Variants in PATJ observed in about 807,000 individuals in gnomAD.
PATJ encodes the protein PATJ crumbs cell polarity complex component, also known as inaD-like protein.
Under a neutral mutation model 224.9 loss-of-function variants are expected in PATJ, and 190 were observed. That is an observed-to-expected ratio of 0.84 (90% confidence interval 0.75 to 0.95). The LOEUF (loss-of-function observed/expected upper bound fraction) is 0.95, where lower values mean the gene tolerates loss of function less well. Among genes scored for constraint, PATJ ranks in the 40% least tolerant of loss-of-function variants. The pLI is 0.00. For synonymous variants in PATJ, 769 were observed against 820.3 expected (o/e 0.94, Z 1.07); for missense variants, 2,121 against 2,270.3 (o/e 0.93, Z 1.34).
intron 13 of PATJ, among the ~76,000 whole-genome samples, chr1:61,806,290 A>G (rs1286831): frequency 0.8 from 121,528 of 152,112 alleles, 48,650 homozygotes; most frequent in East Asian, 0.94. Flanking sequence ...AGATTACCTA[A>G]CCACCATCTG....
At chr1:62,158,707 C>CGA (rs1669523529) in intron 43 of PATJ, among the ~76,000 whole-genome samples, 1 of 107,168 alleles carries the variant, frequency 9.3e-6, no homozygotes. Flanking sequence ...GGCGACAGAG[C>CGA]GAGACTCTGT....
At chr1:62,130,137 C>T (rs1425731809) in intron 41 of PATJ, among the ~76,000 whole-genome samples, 1 of 151,320 alleles carries the variant, frequency 6.6e-6, no homozygotes. Context: ...CAGTACAAGA[C>T]CAGCCTAGGC....
chr1:61,901,882 G>A (rs945178811), intron 24 of PATJ, among the ~76,000 whole-genome samples: 1 of 152,148 alleles, frequency 6.6e-6, no homozygotes, highest in Non-Finnish European at 1.5e-5. Context: ...TGGGTGAGGG[G>A]AGGATCCATG....
intron 29 of PATJ, among the ~76,000 whole-genome samples, chr1:62,020,302 C>A (rs1647007807): frequency 6.6e-6 from 1 of 152,144 alleles, no homozygotes; most frequent in Non-Finnish European, 1.5e-5. Context: ...TGTAAATGTA[C>A]ATTTAGTACG....
chr1:61,845,182 T>TGACTGATAAA (rs1450632700), intron 17 of PATJ, among the ~76,000 whole-genome samples: 1 of 152,176 alleles, frequency 6.6e-6, no homozygotes, highest in Non-Finnish European at 1.5e-5. Context: ...TTAGGTATAT[T>TGACTGATAAA]GACTGATAAA....
intron 37 of PATJ, among the ~76,000 whole-genome samples, chr1:62,119,638 T>G (rs2148909825): frequency 6.6e-6 from 1 of 152,210 alleles, no homozygotes; most frequent in East Asian, 1.9e-4. Flanking sequence ...TCAGGCAAAG[T>G]GTACTTTTAT....
chr1:61,848,487 C>T (rs1254013759), intron 17 of PATJ, among the ~76,000 whole-genome samples: 5 of 152,086 alleles, frequency 3.3e-5, no homozygotes, highest in Admixed American at 3.3e-4. Flanking sequence ...TGTGAGTGTA[C>T]GTGTGTATAA....
intron 43 of PATJ, among the ~76,000 whole-genome samples, chr1:62,158,303 A>G (rs1167178103): frequency 6.7e-6 from 1 of 149,538 alleles, no homozygotes; most frequent in East Asian, 1.9e-4. Flanking sequence ...TCAACCAAGC[A>G]CTGCAACACT....
At chr1:62,017,123 T>C (rs1466221368) in intron 28 of PATJ, among the ~76,000 whole-genome samples, 1 of 152,180 alleles carries the variant, frequency 6.6e-6, no homozygotes, top group Non-Finnish European at 1.5e-5. Flanking sequence ...TTAAGATTTT[T>C]AGCATTTGAG....
At chr1:62,123,301 TTTTA>T (rs1455670141) in intron 39 of PATJ, among the ~76,000 whole-genome samples, 5 of 152,030 alleles carry the variant, frequency 3.3e-5, no homozygotes, top group Admixed American at 6.6e-5. Flanking sequence ...TAAGTTTTAT[TTTTA>T]TTTATTTATT....
At chr1:61,804,711 G>T (rs1653176939) in intron 12 of PATJ, among the ~76,000 whole-genome samples, 1 of 152,164 alleles carries the variant, frequency 6.6e-6, no homozygotes, top group Non-Finnish European at 1.5e-5. Flanking sequence ...TATGCACCGT[G>T]CACTGAGCTT....
At chr1:62,107,298 T>G (rs1421594368) in intron 33 of PATJ, among the ~76,000 whole-genome samples, 2 of 143,012 alleles carry the variant, frequency 1.4e-5, no homozygotes, top group African/African-American at 5.2e-5. Flanking sequence ...AGAGTGAGAG[T>G]CCATCTCAAA....
chr1:62,155,648 GTTAC>G (rs1669108474), intron 43 of PATJ, among the ~76,000 whole-genome samples: 1 of 146,698 alleles, frequency 6.8e-6, no homozygotes, highest in South Asian at 2.1e-4. Flanking sequence ...CATGTATTTC[GTTAC>G]TTACAGAATG....
At chr1:62,044,353 T>C (rs976773260) in intron 30 of PATJ, among the ~76,000 whole-genome samples, 2 of 152,210 alleles carry the variant, frequency 1.3e-5, no homozygotes, top group Admixed American at 6.5e-5. Context: ...TCCCAGAGGG[T>C]CTGAATTTCA....
At chr1:62,104,710 T>C (rs1045462934) in intron 33 of PATJ, among the ~76,000 whole-genome samples, 1 of 152,220 alleles carries the variant, frequency 6.6e-6, no homozygotes, top group African/African-American at 2.4e-5. Context: ...TCTCATTCTG[T>C]CTTGCCCAGG....
intron 19 of PATJ, 56 bp from the exon 20 acceptor site, chr1:61,864,182 T>C (rs867844514): frequency 1.4e-6 from 2 of 1,478,952 alleles, no homozygotes; most frequent in African/African-American, 2.8e-5. Flanking sequence ...TTTATCTATA[T>C]AGTGCAGCTT....
At chr1:61,756,598 A>C (rs1269231972) in intron 1 of PATJ, among the ~76,000 whole-genome samples, 1 of 72,358 alleles carries the variant, frequency 1.4e-5, no homozygotes, top group Non-Finnish European at 2.5e-5. Flanking sequence ...TGGTTCTGGG[A>C]GACAGAATCT....
chr1:61,847,940 G>GTT (rs10707299), intron 17 of PATJ, among the ~76,000 whole-genome samples: 5 of 151,806 alleles, frequency 3.3e-5, no homozygotes, highest in African/African-American at 1.2e-4. Context: ...GTATTTTGTT[G>GTT]TTTTTTTTTA....
chr1:62,049,978 T>G (rs1653277327), intron 30 of PATJ, among the ~76,000 whole-genome samples: 1 of 152,014 alleles, frequency 6.6e-6, no homozygotes, highest in Admixed American at 6.6e-5. Context: ...TTAGCCCGTG[T>G]GGTGGCATGC....
Sources: gnomAD v4.1 joint callset for allele counts (sites outside exome capture counted in the v4.1 genomes callset) on GRCh38, gnomAD v4.1.1 for gene constraint, MANE v1.5 for transcripts, NCBI Gene and HGNC (gene_info 2026-07-23, HGNC 2026-07-21) for gene names.